LRIG1: variants seen among roughly 807,000 people sequenced by gnomAD.
LRIG1 encodes leucine-rich repeats and immunoglobulin-like domains protein 1.
Under a neutral mutation model 99.2 loss-of-function variants are expected in LRIG1, and 48 were observed. That is an observed-to-expected ratio of 0.48 (90% CI 0.38 to 0.62). The LOEUF (loss-of-function observed/expected upper bound fraction) is 0.62, where lower values mean the gene tolerates loss of function less well. Ranked by LOEUF, LRIG1 falls within the 20% of genes least tolerant of loss-of-function variation. The probability of loss-of-function intolerance (pLI) is 0.00; values close to 1 mark genes in which losing one functional copy is unlikely to be tolerated. For synonymous variants in LRIG1, 772 were observed against 596.1 expected, an observed-to-expected ratio of 1.29 and a Z score of -4.30; for missense variants, 1,646 against 1,434.4, an observed-to-expected ratio of 1.15 and a Z score of -2.38.
intron 3 of LRIG1, among the ~76,000 whole-genome samples, chr3:66,424,470 G>A (rs761819114): frequency 2.0e-5 from 3 of 152,112 alleles, no homozygotes; most frequent in Non-Finnish European, 4.4e-5. Flanking sequence ...CGCTCAACCC[G>A]GCATTCCACC....
chr3:66,465,819 C>T (rs1343499853), intron 1 of LRIG1, among the ~76,000 whole-genome samples: 1 of 152,182 alleles, frequency 6.6e-6, no homozygotes, highest in Non-Finnish European at 1.5e-5. Context: ...AGTTTCTCAA[C>T]ATCCCAAACT....
intron 1 of LRIG1, among the ~76,000 whole-genome samples, chr3:66,463,753 G>C (rs1263407629): frequency 6.6e-6 from 1 of 152,212 alleles, no homozygotes; most frequent in Non-Finnish European, 1.5e-5. Context: ...GTCTGTCTCA[G>C]AAAGTGTCAC....
chr3:66,495,332 T>C (rs946402741), intron 1 of LRIG1, among the ~76,000 whole-genome samples: 1 of 152,146 alleles, frequency 6.6e-6, no homozygotes, highest in Non-Finnish European at 1.5e-5. Flanking sequence ...TGAAACTGCA[T>C]CCATTGTAAA....
intron 9 of LRIG1, among the ~76,000 whole-genome samples, chr3:66,400,602 G>A (rs1206685106): frequency 6.6e-6 from 1 of 152,170 alleles, no homozygotes; most frequent in Non-Finnish European, 1.5e-5. Context: ...ACTGGGAAGG[G>A]GACTCTTGGT....
chr3:66,480,850 A>T (rs896574366), intron 1 of LRIG1, among the ~76,000 whole-genome samples: 1 of 152,232 alleles, frequency 6.6e-6, no homozygotes, highest in South Asian at 2.1e-4. Context: ...ACCAAGCCAG[A>T]AGGCAGGAGG....
At chr3:66,437,145 A>G (rs1379222374) in intron 3 of LRIG1, among the ~76,000 whole-genome samples, 1 of 152,202 alleles carries the variant, frequency 6.6e-6, no homozygotes, top group Non-Finnish European at 1.5e-5. Context: ...ATCTCCCAGC[A>G]TGGGCTGGAC....
At chr3:66,452,333 T>G (rs1306794510) in intron 2 of LRIG1, among the ~76,000 whole-genome samples, 1 of 152,158 alleles carries the variant, frequency 6.6e-6, no homozygotes, top group Admixed American at 6.5e-5. Context: ...AGTTAATATC[T>G]CTTAACGGAA....
rs768740259 is a variant in LRIG1, at chr3:66,500,329, G to A, written c.79C>T (p.Arg27Trp). Residue 27 changes from arginine to tryptophan, a missense_variant, in exon 1 of 19, where the codon CGG (arginine) becomes TGG (tryptophan). Transcript: ENST00000273261. Reference protein sequence around the residue: ...CLLLLWLLLLRLEPVTAAAGP... With the variant: ...CLLLLWLLLLWLEPVTAAAGP... ...GCCGCGGCGGTCACCGGCTCCAGCC[G>A]AAGCAAAAGCAGCCAGAGAAGGAGA... The A allele has an allele frequency of 5.1e-5, 76 of 1,495,016 alleles. No individual in the cohort carries two copies. Among genetic ancestry groups the A allele is most frequent in the Admixed American group, 7.0e-5 (3 of 43,064 alleles). The allele number at this position is 1,495,016 out of a possible 1,614,324, so 92.6% of individuals were successfully genotyped here.
At chr3:66,405,948 T>G in intron 8 of LRIG1, 1 of 997,010 alleles carries the variant, frequency 1.0e-6, no homozygotes, top group Non-Finnish European at 1.2e-6. Flanking sequence ...CTTCCCAGCT[T>G]CCAGGAGCAG....
At chr3:66,389,039 T>G (rs1701513723) in intron 12 of LRIG1, among the ~76,000 whole-genome samples, 2 of 152,202 alleles carry the variant, frequency 1.3e-5, no homozygotes, top group South Asian at 4.1e-4. Context: ...ATTATAAGGC[T>G]GTGTTGATGG....
intron 12 of LRIG1, chr3:66,386,889 C>T (rs1465648528): frequency 2.0e-5 from 3 of 152,192 alleles, no homozygotes; most frequent in African/African-American, 7.3e-5. Flanking sequence ...GGTATTTTAA[C>T]TTATCCAAAG....
intron 1 of LRIG1, among the ~76,000 whole-genome samples, chr3:66,466,601 C>G (rs1361967985): frequency 1.3e-5 from 2 of 152,152 alleles, no homozygotes; most frequent in Non-Finnish European, 2.9e-5. Context: ...CAGCAAGCAG[C>G]GTGAATTCCC....
chr3:66,407,246 A>T, intron 8 of LRIG1, 102 bp downstream of exon 8: 2 of 1,275,448 alleles, frequency 1.6e-6, no homozygotes, highest in Non-Finnish European at 2.2e-6. Flanking sequence ...TCCAATTCTG[A>T]CTCGAAGCCA....
chr3:66,399,065 A>G (rs1701960642), intron 9 of LRIG1, 24 bp from the exon 10 acceptor site: 1 of 1,598,842 alleles, frequency 6.3e-7, no homozygotes, highest in Non-Finnish European at 8.6e-7. Context: ...ACATCCAGAA[A>G]TTAAGGCCAG....
At chr3:66,483,685 C>T (rs922886805) in intron 1 of LRIG1, among the ~76,000 whole-genome samples, 8 of 152,218 alleles carry the variant, frequency 5.3e-5, no homozygotes, top group African/African-American at 1.9e-4. Flanking sequence ...TAGACAGCCT[C>T]GGTCTATGGA....
chr3:66,427,598 G>C (rs1289400146), intron 3 of LRIG1, among the ~76,000 whole-genome samples: 1 of 152,184 alleles, frequency 6.6e-6, no homozygotes, highest in Non-Finnish European at 1.5e-5. Flanking sequence ...CCAGGAGTTC[G>C]AGACCAGCCT....
intron 3 of LRIG1, among the ~76,000 whole-genome samples, chr3:66,425,487 C>T (rs1419177712): frequency 6.6e-6 from 1 of 152,176 alleles, no homozygotes; most frequent in Non-Finnish European, 1.5e-5. Context: ...TCTTTGAGAT[C>T]TTGAAAGATC....
chr3:66,452,946 G>A (rs1335066345), intron 2 of LRIG1, among the ~76,000 whole-genome samples: 1 of 152,194 alleles, frequency 6.6e-6, no homozygotes, highest in East Asian at 1.9e-4. Flanking sequence ...AAGGGCCCTT[G>A]TTTGTGTGTT....
chr3:66,421,426 A>G (rs1575677787), intron 3 of LRIG1, among the ~76,000 whole-genome samples: 1 of 152,192 alleles, frequency 6.6e-6, no homozygotes, highest in Non-Finnish European at 1.5e-5. Flanking sequence ...TCCAACTGGG[A>G]GAAATTGACC....
Sources: allele counts gnomAD v4.1 joint callset (sites outside exome capture counted in the v4.1 genomes callset), GRCh38; gene constraint gnomAD v4.1.1; transcripts MANE v1.5; gene names NCBI Gene and HGNC (gene_info 2026-07-23, HGNC 2026-07-21).